Variants in PTPRU observed in about 807,000 individuals in gnomAD.
The protein encoded by PTPRU is protein tyrosine phosphatase receptor type U.
A neutral mutation model predicts 166.3 loss-of-function variants in PTPRU; 69 were observed. That is an observed-to-expected ratio of 0.41 (90% CI 0.34 to 0.51). The LOEUF is 0.51. PTPRU is among the 20% of genes least tolerant of loss of function. PTPRU has a pLI of 0.09. For missense variants in PTPRU, 1,657 were observed against 2,013.7 expected, an observed-to-expected ratio of 0.82 and a Z score of 3.39; for synonymous variants, 793 against 814.0, an observed-to-expected ratio of 0.97 and a Z score of 0.44.
rs72884571 is a variant in PTPRU at position 29,283,024 on chromosome 1, G to C, written c.2142+75G>C. 3 of 1,562,792 alleles carry C rather than the reference G, an allele frequency of 1.9e-6. No individual in the cohort carries two copies. In the South Asian group the frequency reaches 3.6e-5, roughly 19 times the overall value. Reference sequence around the variant, plus strand: ...GGCAGACAGGAGATACCTTGGAGCAGGCCCAGCGCAGACTCCAGGCCCGGC... The same window carrying C: ...GGCAGACAGGAGATACCTTGGAGCACGCCCAGCGCAGACTCCAGGCCCGGC... On this transcript the variant is annotated intron_variant, in intron 12 of 29. Transcript: ENST00000373779.
In PTPRU at chr1:29,311,205, C is replaced by A. The variant is rs1687640705; in HGVS notation, c.2858-251C>A. The A allele has an allele frequency of 1.7e-6, 1 of 589,366 alleles. No homozygotes were observed. Among genetic ancestry groups the A allele is most frequent in the African/African-American group, 1.9e-5 (1 of 53,806 alleles). 36.5% of individuals were successfully genotyped at this position (589,366 alleles called of 1,614,324 possible). A position where few individuals can be genotyped will look rare whatever the true frequency, so the allele number is the denominator to read the frequency against. On this transcript the variant is annotated intron_variant, in intron 19 of 29. Transcript: ENST00000373779. The surrounding 1 kb of genome is among the most constrained non-coding windows in gnomAD (Gnocchi z 4.1). ...CTGGACACTCATGCCATTGCCCAAC[C>A]ATCTGGTCCTCCTCCAGGGTCCCAT... is the stretch of plus-strand genomic sequence containing the variant.
chr1:29,254,765 A>G (rs1684700255), intron 1 of PTPRU, among the ~76,000 whole-genome samples: 1 of 152,048 alleles, frequency 6.6e-6, no homozygotes, highest in South Asian at 2.1e-4. Flanking sequence ...TCTGTCCTCT[A>G]TGGGAAGATA....
At chr1:29,272,731 A>T (rs1273931906) in intron 7 of PTPRU, among the ~76,000 whole-genome samples, 2 of 151,658 alleles carry the variant, frequency 1.3e-5, no homozygotes, top group Non-Finnish European at 2.9e-5. Context: ...ACACAGCAAG[A>T]CCCTGTCTCT....
At chr1:29,289,783 T>G (rs1686537784) in intron 14 of PTPRU, 1 of 1,562,928 alleles carries the variant, frequency 6.4e-7, no homozygotes, top group East Asian at 2.3e-5. Context: ...CCGCCTTCTC[T>G]GGTTGGGCTT....
At chr1:29,243,596 C>T (rs769711870) in intron 1 of PTPRU, among the ~76,000 whole-genome samples, 4 of 152,250 alleles carry the variant, frequency 2.6e-5, no homozygotes, top group Admixed American at 6.5e-5. Context: ...ACTGATGCAG[C>T]GAAGCCTTCC....
intron 26 of PTPRU, among the ~76,000 whole-genome samples, chr1:29,321,423 AG>A (rs1353186595): frequency 6.6e-6 from 1 of 152,086 alleles, no homozygotes; most frequent in Non-Finnish European, 1.5e-5. Context: ...ATGACCTTGG[AG>A]GGAAGGCTTC....
At position 29,275,575 on chromosome 1, in the gene PTPRU, C is replaced by G; in HGVS notation, c.1272C>G (p.His424Gln). Reference sequence around the variant, plus strand: ...CCTATACTGTGTCGCTGTGCTATCACTACACCCTGGGCAGCAGCCACAACC... The same window carrying G: ...CCTATACTGTGTCGCTGTGCTATCAGTACACCCTGGGCAGCAGCCACAACC... ...CHTYTVSLCY[H>Q]YTLGSSHNQT... The change falls in exon 8 of 30, where the codon CAC (histidine) becomes CAG (glutamine). Residue 424 changes from histidine (H) to glutamine (Q), a missense_variant. By Grantham distance (24) the His-to-Gln change is conservative (BLOSUM62 0). This residue lies in a region of PTPRU where 1,190 missense variants were observed against 1,477.4 expected (regional missense o/e 0.81). Coordinates refer to ENST00000373779, the MANE Select transcript of PTPRU (RefSeq NM_133178.4). 1 of 1,614,212 alleles carries G rather than the reference C, an allele frequency of 6.2e-7. No homozygotes were observed. The highest frequency in any genetic ancestry group is 8.5e-7 in the Non-Finnish European group (1 of 1,180,050).
Position 29,271,707 on chromosome 1 carries a change from G to T in PTPRU, c.1145-3741G>T, listed in dbSNP as rs1432918572. On this transcript the variant is annotated intron_variant, in intron 7 of 29. Transcript: ENST00000373779. The surrounding 1 kb of genome is among the most constrained non-coding windows in gnomAD (Gnocchi z 4.4). ...CCTGGCAACAGTCATCTAGAGGTGA[G>T]CAGTAGCTGCCCCTTTTGGATGGGA... Among the ~76,000 whole-genome samples, 1 of 152,228 alleles carries T rather than the reference G, an allele frequency of 6.6e-6. No homozygotes were observed. The highest frequency in any genetic ancestry group is 1.5e-5 in the Non-Finnish European group (1 of 68,048).
intron 1 of PTPRU, among the ~76,000 whole-genome samples, chr1:29,253,057 C>T (rs573681940): frequency 3.7e-4 from 56 of 152,312 alleles, no homozygotes; most frequent in African/African-American, 1.3e-3. Flanking sequence ...GATTAATTTG[C>T]TGGAGCAGCT....
rs769283632 is a variant in PTPRU at position 29,258,585 on chromosome 1, G to A, written c.286G>A (p.Asp96Asn). The A allele has an allele frequency of 6.2e-7, 1 of 1,614,262 alleles. No homozygotes were observed. Among genetic ancestry groups the A allele is most frequent in the Admixed American group, 1.7e-5 (1 of 60,022 alleles). ...CATCTTCCAGAGCCTGAGCGAGAATGATACCCACTGTGTGCAGTTCAGCTA... is the reference window on the plus strand; with the variant it reads ...CATCTTCCAGAGCCTGAGCGAGAATAATACCCACTGTGTGCAGTTCAGCTA... The part of the protein sequence containing the change: ...HVIFQSLSEN[D>N]THCVQFSYFL... Residue 96 changes from aspartate (D) to asparagine (N), a missense_variant, in exon 3 of 30, where the codon GAT becomes AAT. Physicochemically the swap from Asp to Asn is conservative, Grantham distance 23. Transcript: ENST00000373779.
intron 12 of PTPRU, 106 bp downstream of exon 12, chr1:29,283,055 C>T: frequency 6.8e-7 from 1 of 1,468,236 alleles, no homozygotes; most frequent in Non-Finnish European, 9.2e-7. Context: ...CCGGCACTTC[C>T]CATAGCCCCA....
Position 29,259,988 on chromosome 1 carries a change from TG to T in PTPRU, c.795del (p.Ser266ProfsTer119). On this transcript the variant is annotated frameshift_variant, in exon 6 of 30. Coordinates refer to ENST00000373779, the MANE Select transcript of PTPRU (RefSeq NM_133178.4). LOFTEE classifies it high-confidence loss of function. ...SRAEQDLYRC[V>X]SQAPRGAGVS... ...GCCGAGCAGGACCTGTACCGCTGTGTGTCCCAGGCCCCGCGCGGCGCGGGCG... is the reference window on the plus strand; with the variant it reads ...GCCGAGCAGGACCTGTACCGCTGTGTTCCCAGGCCCCGCGCGGCGCGGGCG... 1 of 1,538,478 alleles carries T rather than the reference TG, an allele frequency of 6.5e-7. No individual in the cohort carries two copies. Among genetic ancestry groups the T allele is most frequent in the South Asian group, 1.2e-5 (1 of 83,862 alleles).
chr1:29,258,914 AG>A, intron 3 of PTPRU, 138 bp downstream of exon 3: 1 of 1,322,898 alleles, frequency 7.6e-7, no homozygotes, highest in Admixed American at 2.8e-5. Context: ...GGTCAAGGCC[AG>A]GGGTCAGTCT....
intron 17 of PTPRU, among the ~76,000 whole-genome samples, 168 bp from the exon 18 acceptor site, chr1:29,305,184 G>A (rs1687329717): frequency 6.6e-6 from 1 of 152,122 alleles, no homozygotes; most frequent in Non-Finnish European, 1.5e-5. Flanking sequence ...CTACCCCCTG[G>A]TGTGTCCTGC....
Position 29,304,793 on chromosome 1 carries a change from A to T in PTPRU, c.2687A>T (p.Asp896Val). 6.2e-7 allele frequency: 1 copy of T among 1,612,034 alleles called. No homozygotes were observed. Among genetic ancestry groups the T allele is most frequent in the Non-Finnish European group, 8.5e-7 (1 of 1,178,436 alleles). ...TGGTAGAGCTTCTTTGAAGGCTGGG[A>T]CGCCACAAAGAAGAAAGACAAGGTC... ...QEYESFFEGW[D>V]ATKKKDKVKG... Residue 896 changes from aspartate (D) to valine (V), a missense_variant, in exon 17 of 30, where the codon GAC (aspartate) becomes GTC (valine). This residue lies in a region of PTPRU where 1,190 missense variants were observed against 1,477.4 expected (regional missense o/e 0.81). Coordinates refer to ENST00000373779, the MANE Select transcript of PTPRU (RefSeq NM_133178.4).
At chr1:29,274,994 GAGCCTAGATCATGCC>G (rs1685728847) in intron 7 of PTPRU, among the ~76,000 whole-genome samples, 2 of 149,970 alleles carry the variant, frequency 1.3e-5, no homozygotes, top group Non-Finnish European at 2.9e-5. Context: ...AGGTTGCAGT[GAGCCTAGATCATGCC>G]ATTGCACTCC....
intron 21 of PTPRU, 89 bp from the exon 22 acceptor site, chr1:29,312,463 T>C (rs1393754323): frequency 8.1e-7 from 1 of 1,232,922 alleles, no homozygotes; most frequent in African/African-American, 1.5e-5. Flanking sequence ...TACAATGAGA[T>C]GCTTACTGCA....
chr1:29,289,774 C>T (rs377221042), intron 14 of PTPRU: 64 of 1,579,386 alleles, frequency 4.1e-5, no homozygotes, highest in East Asian at 1.4e-4. Flanking sequence ...CCCCTGTCCC[C>T]GCCTTCTCTG....
At chr1:29,276,554 G>C (rs1448535529) in intron 8 of PTPRU, among the ~76,000 whole-genome samples, 2 of 152,222 alleles carry the variant, frequency 1.3e-5, no homozygotes, top group African/African-American at 2.4e-5. Flanking sequence ...CTGGGCTCAA[G>C]TGATCCACCC....
Sources: gnomAD v4.1 joint callset for allele counts (sites outside exome capture counted in the v4.1 genomes callset) on GRCh38, gnomAD v4.1.1 for gene constraint, gnomAD v4.1.1 regional missense constraint, Gnocchi (gnomAD v3.1) non-coding constraint, MANE v1.5 for transcripts, NCBI Gene and HGNC (gene_info 2026-07-23, HGNC 2026-07-21) for gene names.